The following PRDM16 variants were observed in gnomAD, a reference collection of about 807,000 sequenced individuals.
The protein encoded by PRDM16 is PR/SET domain 16.
Under a neutral mutation model 110.6 loss-of-function variants are expected in PRDM16, and 23 were observed. That is an observed-to-expected ratio of 0.21 (90% confidence interval 0.15 to 0.29). The LOEUF is 0.29. Among genes scored for constraint, PRDM16 ranks in the 10% least tolerant of loss-of-function variants. The probability of loss-of-function intolerance (pLI) is 1.00; values close to 1 mark genes in which losing one functional copy is unlikely to be tolerated. For synonymous variants in PRDM16, 799 were observed against 781.8 expected, an observed-to-expected ratio of 1.02 and a Z score of -0.37; for missense variants, 1,615 against 1,794.3, an observed-to-expected ratio of 0.90 and a Z score of 1.81.
intron 2 of PRDM16, among the ~76,000 whole-genome samples, chr1:3,215,831 C>A (rs1400478838): frequency 6.6e-6 from 1 of 152,150 alleles, no homozygotes; most frequent in Non-Finnish European, 1.5e-5. Flanking sequence ...GGCGCGGCGT[C>A]GGCAACAAGG....
rs957218891 is a variant in PRDM16 at position 3,429,110 on chromosome 1, G to A, written c.3285-1762G>A. 5.3e-5 allele frequency among the ~76,000 whole-genome samples: 8 copies of A among 151,156 alleles called. No individual in the cohort carries two copies. In the East Asian group the frequency reaches 1.5e-3, roughly 29 times the overall value. On this transcript the variant is annotated intron_variant, in intron 14 of 16. Transcript: ENST00000270722. ...GGCCGGCAGCAGCGGGAGCTGGAGA[G>A]AGACCAGGGACAGATTCTCCCCCAG...
At chr1:3,221,870 C>T (rs1220871958) in intron 2 of PRDM16, among the ~76,000 whole-genome samples, 1 of 152,274 alleles carries the variant, frequency 6.6e-6, no homozygotes, top group Non-Finnish European at 1.5e-5. Flanking sequence ...ATGGAGAATT[C>T]ACTCCCATCC....
intron 4 of PRDM16, among the ~76,000 whole-genome samples, chr1:3,394,320 G>A (rs1202233127): frequency 6.7e-6 from 1 of 149,116 alleles, no homozygotes; most frequent in South Asian, 2.1e-4. Context: ...GCTCGGAGGC[G>A]CTCGGAGGCT....
chr1:3,416,677 A>G (rs55713431), intron 10 of PRDM16, among the ~76,000 whole-genome samples: 2,349 of 152,240 alleles, frequency 0.015, 28 homozygotes, highest in Non-Finnish European at 0.021. Flanking sequence ...GGGAGCTCCC[A>G]GGGGAGGCAG....
chr1:3,222,439 C>T (rs1639175627), intron 2 of PRDM16, among the ~76,000 whole-genome samples: 1 of 152,236 alleles, frequency 6.6e-6, no homozygotes, highest in African/African-American at 2.4e-5. Flanking sequence ...GGAGTGGGGG[C>T]TCGCAGCCTG....
rs191296397 is a variant in PRDM16, at chr1:3,276,765, C to T, written c.438+32628C>T. Among the ~76,000 whole-genome samples the T allele has an allele frequency of 1.3e-3, 98 of 72,696 alleles. 1 individual carries two copies. In the East Asian group the frequency reaches 0.026, roughly 19 times the overall value. The allele number at this position is 72,696 out of a possible 152,430, so 47.7% of individuals were successfully genotyped here. A position where few individuals can be genotyped will look rare whatever the true frequency, so the allele number is the denominator to read the frequency against. On this transcript the variant is annotated intron_variant, in intron 3 of 16. Transcript: ENST00000270722. ...TTTCCCCTTTCTCCCTGGAGAACAG[C>T]GCCAGCCGCCTTGTAAATCACCCCT...
At position 3,370,644 on chromosome 1, in the gene PRDM16, G is replaced by A. The variant is rs533424420; in HGVS notation, c.439-14508G>A. On this transcript the variant is annotated intron_variant, in intron 3 of 16. Transcript: ENST00000270722. This position sits in a 1 kb window ranked among gnomAD's most constrained non-coding sequence, Gnocchi z 4.8. ...TGTCTGAGAGGAGCCTCACCCTGAT[G>A]TGAGGGACCAGGGCAGGCTTCCCAG... Among the ~76,000 whole-genome samples the A allele has an allele frequency of 8.5e-5, 13 of 152,286 alleles. No individual in the cohort carries two copies. The highest frequency in any genetic ancestry group is 1.5e-4 in the Non-Finnish European group (10 of 68,006).
At chr1:3,070,658 G>C (rs894807902) in intron 1 of PRDM16, among the ~76,000 whole-genome samples, 1 of 150,486 alleles carries the variant, frequency 6.6e-6, no homozygotes, top group African/African-American at 2.4e-5. Context: ...CGCAGCTCCC[G>C]GGGCCGAGCC....
chr1:3,206,130 A>T lies in PRDM16; in HGVS notation c.387+19656A>T, dbSNP rs571093445. 4 of 152,440 alleles carry T rather than the reference A, an allele frequency of 2.6e-5. No homozygotes were observed. The highest frequency in any genetic ancestry group is 9.6e-5 in the African/African-American group (4 of 41,576). 9.4% of individuals were successfully genotyped at this position (152,440 alleles called of 1,614,324 possible). A position where few individuals can be genotyped will look rare whatever the true frequency, so the allele number is the denominator to read the frequency against. ...GTACTGGTGCCCCCGTTTTCTCAGC[A>T]AGTCCCCTTGTCGGAGGCCACAGAG... is the stretch of plus-strand genomic sequence containing the variant. On this transcript the variant is annotated intron_variant, in intron 2 of 16. Transcript: ENST00000270722. The surrounding 1 kb of genome is among the most constrained non-coding windows in gnomAD (Gnocchi z 4.9).
chr1:3,331,065 C>A (rs978799922), intron 3 of PRDM16, among the ~76,000 whole-genome samples: 1 of 152,256 alleles, frequency 6.6e-6, no homozygotes, highest in South Asian at 2.1e-4. Context: ...CCACCGCCCA[C>A]CCGGGCTCCA....
intron 3 of PRDM16, among the ~76,000 whole-genome samples, chr1:3,314,683 A>G (rs928211134): frequency 1.9e-4 from 28 of 151,318 alleles, no homozygotes; most frequent in African/African-American, 6.8e-4. Flanking sequence ...CCCCGTAGCC[A>G]GTTTGTTCTC....
chr1:3,141,418 G>A (rs772242041), intron 1 of PRDM16, among the ~76,000 whole-genome samples: 12 of 152,324 alleles, frequency 7.9e-5, no homozygotes, highest in Non-Finnish European at 1.5e-4. Flanking sequence ...CAGCCTCCTC[G>A]GTCTCCCCGC....
At chr1:3,108,224 C>G (rs1177237542) in intron 1 of PRDM16, among the ~76,000 whole-genome samples, 1 of 152,202 alleles carries the variant, frequency 6.6e-6, no homozygotes, top group Non-Finnish European at 1.5e-5. Context: ...AAAAATAAAC[C>G]CTTCCCTATT....
At chr1:3,303,681 T>C (rs1641253695) in intron 3 of PRDM16, among the ~76,000 whole-genome samples, 1 of 152,224 alleles carries the variant, frequency 6.6e-6, no homozygotes, top group African/African-American at 2.4e-5. Context: ...TTCCCACCAG[T>C]AGTGTGAGGG....
At chr1:3,294,985 C>T (rs1039940464) in intron 3 of PRDM16, among the ~76,000 whole-genome samples, 8 of 152,224 alleles carry the variant, frequency 5.3e-5, no homozygotes, top group Non-Finnish European at 1.2e-4. Flanking sequence ...CTGGTCACTG[C>T]AGGCAGGCTA....
At chr1:3,171,196 C>T (rs1644021713) in intron 1 of PRDM16, among the ~76,000 whole-genome samples, 1 of 152,208 alleles carries the variant, frequency 6.6e-6, no homozygotes, top group Admixed American at 6.5e-5. Context: ...CTGTGCACGG[C>T]AGCCACAGGC....
chr1:3,207,094 G>A (rs1381880330), intron 2 of PRDM16: 2 of 152,246 alleles, frequency 1.3e-5, no homozygotes, highest in Admixed American at 6.5e-5. Context: ...GTCCTGGTGC[G>A]GGGAGCTTTG....
intron 3 of PRDM16, among the ~76,000 whole-genome samples, chr1:3,261,391 C>A (rs1194643816): frequency 6.6e-6 from 1 of 152,134 alleles, no homozygotes; most frequent in Non-Finnish European, 1.5e-5. Context: ...GGTTTCCATG[C>A]AGCCTCACAA....
At position 3,246,818 on chromosome 1, in the gene PRDM16, G is replaced by T. The variant is rs974489088; in HGVS notation, c.438+2681G>T. ...TAGGCACTCTCGGGGAGCCGGGGGG[G>T]TTGGGGCTGAGAGACTGAGAGACAT... On this transcript the variant is annotated intron_variant, in intron 3 of 16. Transcript: ENST00000270722. This position sits in a 1 kb window ranked among gnomAD's most constrained non-coding sequence, Gnocchi z 5.2. Among the ~76,000 whole-genome samples, 2 of 152,156 alleles carry T rather than the reference G, an allele frequency of 1.3e-5. No homozygotes were observed. Among genetic ancestry groups the T allele is most frequent in the Non-Finnish European group, 2.9e-5 (2 of 68,038 alleles).
Sources: allele counts gnomAD v4.1 joint callset (sites outside exome capture counted in the v4.1 genomes callset), GRCh38; gene constraint gnomAD v4.1.1; non-coding constraint Gnocchi (gnomAD v3.1); transcripts MANE v1.5; gene names NCBI Gene and HGNC (gene_info 2026-07-23, HGNC 2026-07-21).